Variants in WASF2 observed in about 807,000 individuals in gnomAD.
WASF2 encodes the protein actin-binding protein WASF2.
WASF2 carries 14 observed loss-of-function variants against 45.0 expected under a neutral mutation model. That is an observed-to-expected ratio of 0.31 (90% CI 0.21 to 0.49). The LOEUF is 0.49. Ranked by LOEUF, WASF2 falls within the 20% of genes least tolerant of loss-of-function variation. The pLI, the probability that WASF2 is intolerant of heterozygous loss-of-function variation, is 0.99. For missense variants in WASF2, 439 were observed against 636.1 expected, an observed-to-expected ratio of 0.69 and a Z score of 3.33; for synonymous variants, 200 against 236.3, an observed-to-expected ratio of 0.85 and a Z score of 1.41.
chr1:27,481,893 T>C (rs1033382787), intron 1 of WASF2, among the ~76,000 whole-genome samples: 1 of 152,146 alleles, frequency 6.6e-6, no homozygotes, highest in Non-Finnish European at 1.5e-5. Flanking sequence ...CTCAAATTAT[T>C]TATTAGTCTG....
At chr1:27,460,052 A>G (rs1308154708) in intron 1 of WASF2, among the ~76,000 whole-genome samples, 42 of 152,230 alleles carry the variant, frequency 2.8e-4, no homozygotes, top group Admixed American at 2.7e-3. Context: ...TTTAACAAAC[A>G]TTAACACAGC....
intron 2 of WASF2, among the ~76,000 whole-genome samples, chr1:27,424,692 G>A (rs1030888847): frequency 3.3e-5 from 5 of 152,022 alleles, no homozygotes; most frequent in Non-Finnish European, 7.4e-5. Context: ...AGCTAATTTC[G>A]TTTATATTTT....
chr1:27,481,770 A>C (rs1161923289), intron 1 of WASF2, among the ~76,000 whole-genome samples: 2 of 152,196 alleles, frequency 1.3e-5, no homozygotes, highest in Non-Finnish European at 2.9e-5. Flanking sequence ...GTTCAAATGG[A>C]ATTAATCTTA....
chr1:27,427,634 G>A (rs2017004104), intron 2 of WASF2, among the ~76,000 whole-genome samples: 1 of 152,172 alleles, frequency 6.6e-6, no homozygotes, highest in South Asian at 2.1e-4. Flanking sequence ...TGAGGTAGGT[G>A]AAGGCTTAGG....
At position 27,410,659 on chromosome 1, in the gene WASF2, GCT is replaced by G. The variant is rs377591446; in HGVS notation, c.825-455_825-454del. Among the ~76,000 whole-genome samples the G allele has an allele frequency of 2.2e-4, 33 of 152,300 alleles. No homozygotes were observed. Among genetic ancestry groups the G allele is most frequent in the African/African-American group, 7.2e-4 (30 of 41,556 alleles). On this transcript the variant is annotated intron_variant, in intron 7 of 8. Coordinates refer to ENST00000618852, the MANE Select transcript of WASF2 (RefSeq NM_006990.5). The surrounding 1 kb of genome is among the most constrained non-coding windows in gnomAD (Gnocchi z 4.2). The stretch of plus-strand genomic sequence containing the variant: ...AATTCAAACACCACCCACACACTAG[GCT>G]CTGTTTCTCAGGCTATTAACATTCA...
chr1:27,489,293 GTCC>G (rs1331342694), intron 1 of WASF2, among the ~76,000 whole-genome samples: 2 of 119,174 alleles, frequency 1.7e-5, no homozygotes, highest in Admixed American at 9.3e-5. Flanking sequence ...CACACACAGT[GTCC>G]TCCTCAATTT....
intron 1 of WASF2, among the ~76,000 whole-genome samples, chr1:27,437,780 C>T (rs957012285): frequency 9.2e-5 from 14 of 152,072 alleles, no homozygotes; most frequent in Admixed American, 2.6e-4. Flanking sequence ...ACCCTTTACT[C>T]CTAATAAGGT....
chr1:27,457,055 T>C (rs1017162796), intron 1 of WASF2: 4 of 151,968 alleles, frequency 2.6e-5, no homozygotes, highest in African/African-American at 4.8e-5. Flanking sequence ...TATTTTTTTC[T>C]AGTAGAGATG....
intron 1 of WASF2, chr1:27,457,287 T>C (rs1289577083): frequency 6.6e-6 from 1 of 152,098 alleles, no homozygotes; most frequent in Non-Finnish European, 1.5e-5. Context: ...ATTAAATTGA[T>C]TAGTAGGGTC....
chr1:27,414,741 A>AG lies in WASF2; in HGVS notation c.668+91dup. 6.6e-7 allele frequency: 1 copy of AG among 1,508,998 alleles called. No individual in the cohort carries two copies. The allele number at this position is 1,508,998 out of a possible 1,614,324, so 93.5% of individuals were successfully genotyped here. A position where few individuals can be genotyped will look rare whatever the true frequency, so the allele number is the denominator to read the frequency against. ...GATCTAAGCCACAGAGACAGACTTCAGGGGGTGTGAAAGGTGTCACACCAG... is the reference window on the plus strand; with the variant it reads ...GATCTAAGCCACAGAGACAGACTTCAGGGGGGTGTGAAAGGTGTCACACCAG... On this transcript the variant is annotated intron_variant, in intron 6 of 8. Transcript: ENST00000618852. This position sits in a 1 kb window ranked among gnomAD's most constrained non-coding sequence, Gnocchi z 4.1.
intron 1 of WASF2, among the ~76,000 whole-genome samples, chr1:27,447,653 C>T (rs2017328437): frequency 1.3e-5 from 2 of 152,088 alleles, no homozygotes; most frequent in Non-Finnish European, 2.9e-5. Flanking sequence ...TAATGGATTC[C>T]GAACAGTCAC....
intron 1 of WASF2, among the ~76,000 whole-genome samples, chr1:27,450,603 C>T (rs930228078): frequency 2.6e-5 from 4 of 152,098 alleles, no homozygotes; most frequent in Admixed American, 6.6e-5. Context: ...CGGGTTCAAG[C>T]GATTCTTCTG....
rs544859993 is a variant in WASF2 at position 27,449,724 on chromosome 1, G to C, written c.-43-20791C>G. ...CCAGTCTTATAGCACTGTTTCCTGAGAGAAGATAACCCAAGTTCAACCTTT... is the reference window on the plus strand; with the variant it reads ...CCAGTCTTATAGCACTGTTTCCTGACAGAAGATAACCCAAGTTCAACCTTT... On this transcript the variant is annotated intron_variant, in intron 1 of 8. Coordinates refer to ENST00000618852, the MANE Select transcript of WASF2 (RefSeq NM_006990.5). Among the ~76,000 whole-genome samples the C allele has an allele frequency of 3.3e-5, 5 of 152,288 alleles. No homozygotes were observed. The East Asian group carries it at 9.6e-4, about 29-fold the overall frequency.
chr1:27,463,907 G>T (rs1394381143), intron 1 of WASF2, among the ~76,000 whole-genome samples: 3 of 150,870 alleles, frequency 2.0e-5, no homozygotes, highest in African/African-American at 7.3e-5. Flanking sequence ...AGTTAGCTGG[G>T]ATTAAAGGCA....
intron 1 of WASF2, among the ~76,000 whole-genome samples, chr1:27,486,873 G>A (rs1234150833): frequency 6.6e-6 from 1 of 151,136 alleles, no homozygotes; most frequent in Non-Finnish European, 1.5e-5. Flanking sequence ...GCAGTAAGCC[G>A]AGATCACGCC....
At chr1:27,466,101 C>T (rs1454929998) in intron 1 of WASF2, among the ~76,000 whole-genome samples, 3 of 152,134 alleles carry the variant, frequency 2.0e-5, no homozygotes, top group Non-Finnish European at 4.4e-5. Flanking sequence ...TATCTGAAAA[C>T]CAACTCATTA....
intron 1 of WASF2, among the ~76,000 whole-genome samples, chr1:27,475,956 C>T (rs1376724959): frequency 6.6e-6 from 1 of 152,170 alleles, no homozygotes; most frequent in Non-Finnish European, 1.5e-5. Flanking sequence ...TATGTCTTTA[C>T]TGTCTATCCA....
intron 1 of WASF2, among the ~76,000 whole-genome samples, chr1:27,455,581 C>A (rs1263638309): frequency 2.6e-5 from 4 of 152,208 alleles, no homozygotes; most frequent in Non-Finnish European, 5.9e-5. Flanking sequence ...TCATCTCTGG[C>A]CACACCTTTC....
At chr1:27,428,721 G>C in intron 2 of WASF2, 40 bp downstream of exon 2, 2 of 1,613,822 alleles carry the variant, frequency 1.2e-6, no homozygotes, top group South Asian at 2.2e-5. Flanking sequence ...GAGCACCAAC[G>C]ACCCCTGAGG....
Sources: allele counts gnomAD v4.1 joint callset (sites outside exome capture counted in the v4.1 genomes callset), GRCh38; gene constraint gnomAD v4.1.1; non-coding constraint Gnocchi (gnomAD v3.1); transcripts MANE v1.5; gene names NCBI Gene and HGNC (gene_info 2026-07-23, HGNC 2026-07-21).